Variants in CADM2 observed in about 807,000 individuals in gnomAD.
CADM2 encodes the protein immunoglobulin superfamily member 4D.
A neutral mutation model predicts 49.8 loss-of-function variants in CADM2; 12 were observed. The ratio of observed to expected loss-of-function variants is 0.24; its 90% confidence interval spans 0.15 to 0.39. The LOEUF (loss-of-function observed/expected upper bound fraction) is 0.39, where lower values mean the gene tolerates loss of function less well. Among genes scored for constraint, CADM2 ranks in the 10% least tolerant of loss-of-function variants. The pLI, the probability that CADM2 is intolerant of heterozygous loss-of-function variation, is 1.00. For synonymous variants in CADM2, 214 were observed against 175.4 expected (o/e 1.22, Z -1.74); for missense variants, 378 against 492.3 (o/e 0.77, Z 2.20).
intron 8 of CADM2, among the ~76,000 whole-genome samples, chr3:86,028,222 TC>T (rs1734138537): frequency 8.1e-6 from 1 of 123,496 alleles, no homozygotes; most frequent in Admixed American, 8.5e-5. Context: ...AAAAAAGAAG[TC>T]AAAAAAAAAA....
At chr3:85,548,697 A>G (rs540030151) in intron 1 of CADM2, among the ~76,000 whole-genome samples, 1 of 152,170 alleles carries the variant, frequency 6.6e-6, no homozygotes, top group Non-Finnish European at 1.5e-5. Context: ...TAGAATTGCA[A>G]TAGTATTTTT....
intron 1 of CADM2, among the ~76,000 whole-genome samples, chr3:85,556,760 T>A (rs1468353379): frequency 6.6e-6 from 1 of 152,154 alleles, no homozygotes; most frequent in African/African-American, 2.4e-5. Context: ...CATTTTACAA[T>A]GCACATAATA....
intron 1 of CADM2, among the ~76,000 whole-genome samples, chr3:85,429,728 T>G (rs2036580689): frequency 6.6e-6 from 1 of 152,138 alleles, no homozygotes; most frequent in African/African-American, 2.4e-5. Flanking sequence ...TTGGATATAT[T>G]ATAAAACAAT....
chr3:85,735,136 C>G (rs1256870226), intron 2 of CADM2, among the ~76,000 whole-genome samples: 3 of 152,002 alleles, frequency 2.0e-5, no homozygotes, highest in Non-Finnish European at 2.9e-5. Context: ...AACTTACATA[C>G]TGTCGTATGT....
intron 1 of CADM2, among the ~76,000 whole-genome samples, chr3:85,483,880 G>A (rs1189474757): frequency 6.6e-6 from 1 of 151,166 alleles, no homozygotes; most frequent in Non-Finnish European, 1.5e-5. Context: ...ATTATTTTCT[G>A]GCAATTTTTG....
intron 1 of CADM2, among the ~76,000 whole-genome samples, chr3:85,062,271 G>A (rs535171663): frequency 3.9e-5 from 6 of 152,024 alleles, no homozygotes; most frequent in Admixed American, 2.6e-4. Flanking sequence ...AAGTTTTGGG[G>A]AATAAACAAC....
intron 1 of CADM2, among the ~76,000 whole-genome samples, chr3:85,227,742 A>G (rs1394273901): frequency 1.3e-5 from 2 of 152,092 alleles, no homozygotes; most frequent in Non-Finnish European, 2.9e-5. Context: ...GATGGTCTTT[A>G]CAATTTAGCA....
chr3:85,861,099 G>A (rs925429195), intron 3 of CADM2, among the ~76,000 whole-genome samples: 1 of 152,144 alleles, frequency 6.6e-6, no homozygotes, highest in Non-Finnish European at 1.5e-5. Context: ...GTCATTGAAA[G>A]TGTCTGAGCA....
chr3:85,999,810 T>C (rs1729942139), intron 8 of CADM2, among the ~76,000 whole-genome samples: 1 of 152,154 alleles, frequency 6.6e-6, no homozygotes, highest in Non-Finnish European at 1.5e-5. Flanking sequence ...CGATGGGACA[T>C]AAAATATAGA....
chr3:85,978,023 C>A (rs1358910853), intron 8 of CADM2, among the ~76,000 whole-genome samples: 3 of 151,538 alleles, frequency 2.0e-5, no homozygotes, highest in African/African-American at 7.3e-5. Context: ...CCTTTTAATA[C>A]AAAATAATCT....
At chr3:85,654,827 A>G (rs751165620) in intron 1 of CADM2, among the ~76,000 whole-genome samples, 1 of 152,206 alleles carries the variant, frequency 6.6e-6, no homozygotes, top group Non-Finnish European at 1.5e-5. Flanking sequence ...GTATGTTACA[A>G]TTCTTGTATT....
At chr3:85,553,784 G>T (rs1274700068) in intron 1 of CADM2, among the ~76,000 whole-genome samples, 20 of 152,100 alleles carry the variant, frequency 1.3e-4, no homozygotes, top group Non-Finnish European at 2.1e-4. Flanking sequence ...AATAAGATTA[G>T]ACTTAAGAAA....
chr3:85,538,554 C>T (rs2061473319), intron 1 of CADM2, among the ~76,000 whole-genome samples: 1 of 152,068 alleles, frequency 6.6e-6, no homozygotes, highest in Admixed American at 6.6e-5. Flanking sequence ...GTATATATTA[C>T]TGAGAAGTTT....
chr3:85,883,818 G>A (rs1038696627), intron 4 of CADM2, among the ~76,000 whole-genome samples: 2 of 152,098 alleles, frequency 1.3e-5, no homozygotes, highest in African/African-American at 4.8e-5. Context: ...TTCAACTTGT[G>A]TTCTATACTA....
chr3:85,229,263 G>A (rs960018399), intron 1 of CADM2, among the ~76,000 whole-genome samples: 2 of 152,242 alleles, frequency 1.3e-5, no homozygotes, highest in East Asian at 1.9e-4. Context: ...CATGGGACCC[G>A]CTGAGCCAGG....
chr3:85,721,820 A>G (rs1343153703), intron 1 of CADM2, among the ~76,000 whole-genome samples: 1 of 152,222 alleles, frequency 6.6e-6, no homozygotes, highest in East Asian at 1.9e-4. Flanking sequence ...TGTGGCAAGC[A>G]AGGAGCATGT....
intron 1 of CADM2, among the ~76,000 whole-genome samples, chr3:85,003,187 T>C (rs2033558969): frequency 6.7e-6 from 1 of 149,984 alleles, no homozygotes; most frequent in African/African-American, 2.4e-5. Context: ...CTAAAAATAG[T>C]GGTCTATTTT....
intron 1 of CADM2, among the ~76,000 whole-genome samples, chr3:85,311,495 C>T (rs1422360143): frequency 6.6e-6 from 1 of 151,846 alleles, no homozygotes; most frequent in Non-Finnish European, 1.5e-5. Flanking sequence ...CTTGCCCCAG[C>T]CTCCCGAGTA....
intron 1 of CADM2, among the ~76,000 whole-genome samples, chr3:85,162,052 C>T (rs184498464): frequency 6.6e-5 from 10 of 152,088 alleles, no homozygotes; most frequent in Admixed American, 6.6e-4. Context: ...AAACAAGTAC[C>T]TTTGTCTTTT....
Sources: gnomAD v4.1 joint callset for allele counts (sites outside exome capture counted in the v4.1 genomes callset) on GRCh38, gnomAD v4.1.1 for gene constraint, MANE v1.5 for transcripts, NCBI Gene and HGNC (gene_info 2026-07-23, HGNC 2026-07-21) for gene names.